The following ITCH variants were observed in gnomAD, a reference collection of about 807,000 sequenced individuals.
ITCH encodes the protein itchy E3 ubiquitin protein ligase.
In ITCH, 28 loss-of-function variants were observed where a neutral mutation model predicts 126.8. The observed-to-expected ratio is 0.22, with a 90% CI of 0.16 to 0.30. ITCH has a LOEUF of 0.30. ITCH is among the 10% of genes least tolerant of loss of function. ITCH has a pLI of 1.00. For synonymous variants in ITCH, 342 were observed against 340.0 expected (o/e 1.01, Z -0.06); for missense variants, 631 against 1,032.4 (o/e 0.61, Z 5.33).
At chr20:34,413,186 T>A (rs904672137) in intron 5 of ITCH, among the ~76,000 whole-genome samples, 1 of 152,138 alleles carries the variant, frequency 6.6e-6, no homozygotes, top group African/African-American at 2.4e-5. Context: ...ACATCCAGCT[T>A]TAAATGCTTA....
At chr20:34,503,880 T>TG (rs1569012853) in intron 23 of ITCH, among the ~76,000 whole-genome samples, 9 of 118,162 alleles carry the variant, frequency 7.6e-5, no homozygotes, top group South Asian at 2.7e-4. Flanking sequence ...GTTTTTTTTT[T>TG]TTTGGTTTTT....
intron 3 of ITCH, chr20:34,402,584 T>A (rs576671711): frequency 7.3e-6 from 5 of 686,262 alleles, no homozygotes; most frequent in African/African-American, 5.3e-5. Flanking sequence ...CTACCAGTCA[T>A]AATTGTTATT....
intron 2 of ITCH, among the ~76,000 whole-genome samples, chr20:34,386,223 C>T (rs2038279730): frequency 6.6e-6 from 1 of 152,036 alleles, no homozygotes; most frequent in Non-Finnish European, 1.5e-5. Flanking sequence ...TCTCAGCTTC[C>T]AAGTAGCTGG....
At chr20:34,488,725 CAAAATAAAAG>C (rs1257315288) in intron 20 of ITCH, among the ~76,000 whole-genome samples, 1 of 151,272 alleles carries the variant, frequency 6.6e-6, no homozygotes, top group Non-Finnish European at 1.5e-5. Flanking sequence ...AAAACAAAAA[CAAAATAAAAG>C]AAAAAAAAAG....
Position 34,395,610 on chromosome 20 carries a change from A to G in ITCH, c.70+1729A>G, listed in dbSNP as rs1277714111. On this transcript the variant is annotated intron_variant, in intron 3 of 24. Transcript: ENST00000374864. ...CTGTACTCATTAGCAGTCACTCTCC[A>G]TTTAACCCATCCATCCACAAACCCA... Among the ~76,000 whole-genome samples the G allele has an allele frequency of 2.6e-5, 4 of 152,158 alleles. No homozygotes were observed. In the East Asian group the frequency reaches 5.8e-4, roughly 22 times the overall value.
chr20:34,476,363 G>A, intron 16 of ITCH: 2 of 1,342,102 alleles, frequency 1.5e-6, no homozygotes, highest in East Asian at 2.7e-5. Flanking sequence ...CGGCTCCTCA[G>A]CAGGCCGCTG....
At chr20:34,368,071 T>C (rs967166286) in intron 1 of ITCH, among the ~76,000 whole-genome samples, 4 of 151,986 alleles carry the variant, frequency 2.6e-5, no homozygotes, top group Non-Finnish European at 5.9e-5. Flanking sequence ...GAGATCGAGA[T>C]CATCCTGGCC....
At chr20:34,383,290 T>C (rs781467397) in intron 2 of ITCH, among the ~76,000 whole-genome samples, 2 of 151,642 alleles carry the variant, frequency 1.3e-5, no homozygotes, top group African/African-American at 4.8e-5. Context: ...GCGACCCTCC[T>C]ACCTTGACCT....
At position 34,426,613 on chromosome 20, in the gene ITCH, C is replaced by T. The variant is rs191442627; in HGVS notation, c.521+2088C>T. On this transcript the variant is annotated intron_variant, in intron 7 of 24. Coordinates refer to ENST00000374864, the MANE Select transcript of ITCH (RefSeq NM_031483.7). ...CAAGACAGGCATACACCACCATGCC[C>T]GGCTGTTTGTATTTTTAGTAAGAGA... Among the ~76,000 whole-genome samples, 3 of 149,350 alleles carry T rather than the reference C, an allele frequency of 2.0e-5. No individual in the cohort carries two copies. In the East Asian group the frequency reaches 5.9e-4, roughly 30 times the overall value.
chr20:34,474,788 G>T (rs1012366886), intron 16 of ITCH, among the ~76,000 whole-genome samples: 4 of 41,748 alleles, frequency 9.6e-5, no homozygotes, highest in East Asian at 5.4e-4. Flanking sequence ...TGGCCGGGCG[G>T]GGGGGCTGAC....
intron 13 of ITCH, among the ~76,000 whole-genome samples, chr20:34,459,664 T>C (rs1166105529): frequency 6.6e-6 from 1 of 152,192 alleles, no homozygotes; most frequent in African/African-American, 2.4e-5. Flanking sequence ...TCTGAAGGTA[T>C]GGTTTAGGTT....
At chr20:34,363,669 C>A (rs1466177243) in intron 1 of ITCH, among the ~76,000 whole-genome samples, 1 of 152,102 alleles carries the variant, frequency 6.6e-6, no homozygotes, top group Non-Finnish European at 1.5e-5. Flanking sequence ...TCCGGCCCCT[C>A]GCCCCTCAGC....
intron 1 of ITCH, among the ~76,000 whole-genome samples, chr20:34,366,107 C>T (rs2037412024): frequency 6.6e-6 from 1 of 152,114 alleles, no homozygotes; most frequent in East Asian, 1.9e-4. Flanking sequence ...ACAGGGTAGG[C>T]TGAGTGAATG....
At chr20:34,377,184 C>T (rs1299692355) in intron 2 of ITCH, among the ~76,000 whole-genome samples, 1 of 151,704 alleles carries the variant, frequency 6.6e-6, no homozygotes, top group Non-Finnish European at 1.5e-5. Flanking sequence ...ACCAGCCTGG[C>T]CAACAGGGCG....
In ITCH at chr20:34,456,873, C is replaced by T. The variant is rs563580486; in HGVS notation, c.1211-517C>T. Among the ~76,000 whole-genome samples, 11 of 151,374 alleles carry T rather than the reference C, an allele frequency of 7.3e-5. No homozygotes were observed. In the East Asian group the frequency reaches 2.1e-3, roughly 29 times the overall value. On this transcript the variant is annotated intron_variant, in intron 12 of 24. Coordinates refer to ENST00000374864, the MANE Select transcript of ITCH (RefSeq NM_031483.7). ...CTGGGATTACAGGCCTGAGCCACCC[C>T]GCCTGGCACCTTACTATATTTTAAT...
At chr20:34,387,147 A>G (rs2038312093) in intron 2 of ITCH, among the ~76,000 whole-genome samples, 1 of 151,798 alleles carries the variant, frequency 6.6e-6, no homozygotes, top group Admixed American at 6.6e-5. Flanking sequence ...TACTAAAGAT[A>G]CAAAAAAAAT....
chr20:34,455,603 C>T (rs1310168945), intron 12 of ITCH, among the ~76,000 whole-genome samples: 1 of 151,300 alleles, frequency 6.6e-6, no homozygotes, highest in African/African-American at 2.4e-5. Context: ...GCTGGGACTA[C>T]AGGTGCACAC....
chr20:34,478,268 G>T (rs537564031), intron 17 of ITCH, among the ~76,000 whole-genome samples: 1 of 152,130 alleles, frequency 6.6e-6, no homozygotes, highest in Non-Finnish European at 1.5e-5. Context: ...ATAGTGATCA[G>T]GTCATTTTCC....
intron 12 of ITCH, among the ~76,000 whole-genome samples, chr20:34,454,174 G>A: frequency 7.0e-6 from 1 of 143,778 alleles, no homozygotes; most frequent in Admixed American, 7.1e-5. Context: ...GTCTCGCTCT[G>A]TCGCCCAGGC....
Sources: allele counts gnomAD v4.1 joint callset (sites outside exome capture counted in the v4.1 genomes callset), GRCh38; gene constraint gnomAD v4.1.1; transcripts MANE v1.5; gene names NCBI Gene and HGNC (gene_info 2026-07-23, HGNC 2026-07-21).